CYBC1: variants seen among roughly 807,000 people sequenced by gnomAD.
CYBC1 encodes essential for reactive oxygen species protein.
A neutral mutation model predicts 21.7 loss-of-function variants in CYBC1; 22 were observed. The observed-to-expected ratio is 1.02, with a 90% CI of 0.73 to 1.45. The LOEUF is 1.45. Among genes scored for constraint, CYBC1 ranks in the 40% most tolerant of loss-of-function variants. The pLI, the probability that CYBC1 is intolerant of heterozygous loss-of-function variation, is 0.00. For missense variants in CYBC1, 237 were observed against 242.1 expected (o/e 0.98, Z 0.14); for synonymous variants, 112 against 98.7 (o/e 1.13, Z -0.80).
intron 5 of CYBC1, 196 bp downstream of exon 5, chr17:82,445,668 G>A (rs1039105009): frequency 5.5e-6 from 3 of 544,740 alleles, no homozygotes; most frequent in Non-Finnish European, 9.9e-6. Flanking sequence ...CTAGGACCCT[G>A]CTGAGCAGGT....
rs1464684683 is a variant in CYBC1 at position 82,443,330 on chromosome 17, G to C, written c.*674C>G. Reference sequence around the variant, plus strand: ...GAGACCTTTCTGTGACGACCGCTGGGGCAGAGTGGTCTATGCGCCGAGATC... The same window carrying C: ...GAGACCTTTCTGTGACGACCGCTGGCGCAGAGTGGTCTATGCGCCGAGATC... On this transcript the variant is annotated 3_prime_UTR_variant, in exon 7 of 7. Coordinates refer to ENST00000306645, the MANE Select transcript of CYBC1 (RefSeq NM_001033046.4). This position sits in a 1 kb window ranked among gnomAD's most constrained non-coding sequence, Gnocchi z 6.7. 4.8e-6 allele frequency: 2 copies of C among 416,626 alleles called. No individual in the cohort carries two copies. Among genetic ancestry groups the C allele is most frequent in the Non-Finnish European group, 9.1e-6 (2 of 218,954 alleles). The allele number at this position is 416,626 out of a possible 1,614,324, so 25.8% of individuals were successfully genotyped here. A position where few individuals can be genotyped will look rare whatever the true frequency, so the allele number is the denominator to read the frequency against.
At chr17:82,449,495 C>T in intron 1 of CYBC1, 1 of 417,076 alleles carries the variant, frequency 2.4e-6, no homozygotes. Context: ...GTAAGGAAGG[C>T]CCTTTTCCGT....
chr17:82,446,507 T>C, intron 4 of CYBC1, 116 bp downstream of exon 4: 1 of 934,578 alleles, frequency 1.1e-6, no homozygotes, highest in Non-Finnish European at 1.7e-6. Flanking sequence ...GACCAACGCT[T>C]CAGGACGGGG....
Position 82,446,643 on chromosome 17 carries a change from G to T in CYBC1, c.181C>A (p.Gln61Lys), listed in dbSNP as rs769836121. 99 of 1,613,956 alleles carry T rather than the reference G, an allele frequency of 6.1e-5. No individual in the cohort carries two copies. The South Asian group carries it at 1.0e-3, about 17-fold the overall frequency. The change falls in exon 4 of 7, where the codon CAG becomes AAG. Residue 61 changes from glutamine (Q) to lysine (K), a missense_variant. Transcript: ENST00000306645. ...YVTGCLFVAV[Q>K]NLEDWEEAIF... ...CTTACCTCCCAGTCCTCCAAGTTCTGCACAGCCACAAACAGGCAGCCTGTG... is the reference window on the plus strand; with the variant it reads ...CTTACCTCCCAGTCCTCCAAGTTCTTCACAGCCACAAACAGGCAGCCTGTG...
At chr17:82,449,520 ACTGC>A in intron 1 of CYBC1, 1 of 392,774 alleles carries the variant, frequency 2.5e-6, no homozygotes, top group Non-Finnish European at 4.5e-6. Context: ...AGCGACACCG[ACTGC>A]GCGGGGGCTG....
At chr17:82,447,875 G>A (rs1483763380) in intron 2 of CYBC1, 5 of 588,194 alleles carry the variant, frequency 8.5e-6, no homozygotes, top group South Asian at 4.2e-5. Context: ...AAGGAAGAGC[G>A]CTTGAGCTCA....
intron 6 of CYBC1, 151 bp downstream of exon 6, chr17:82,444,296 C>G (rs1184843381): frequency 1.4e-6 from 2 of 1,426,494 alleles, no homozygotes; most frequent in Non-Finnish European, 9.4e-7. Flanking sequence ...TGGGGCTGCC[C>G]CTGAGCCTGC....
chr17:82,444,408 G>A lies in CYBC1; in HGVS notation c.443+39C>T, dbSNP rs760139531. ...GTCAGGAACGGGAGTGACCTGCTACGGCTGCAGCTCCGGCCAGATCAAAGT... is the reference window on the plus strand; with the variant it reads ...GTCAGGAACGGGAGTGACCTGCTACAGCTGCAGCTCCGGCCAGATCAAAGT... On this transcript the variant is annotated intron_variant, in intron 6 of 6. Transcript: ENST00000306645. 2.2e-5 allele frequency: 34 copies of A among 1,571,922 alleles called. No homozygotes were observed. The Middle Eastern group carries it at 6.8e-4, about 31-fold the overall frequency.
At chr17:82,449,379 A>C in intron 1 of CYBC1, 87 bp from the exon 2 acceptor site, 1 of 618,714 alleles carries the variant, frequency 1.6e-6, no homozygotes, top group South Asian at 2.8e-5. Context: ...GGCCAAGAGC[A>C]GGTCCCCCAA....
At chr17:82,449,132 G>A (rs375170998) in intron 2 of CYBC1, 38 bp downstream of exon 2, 22 of 1,450,748 alleles carry the variant, frequency 1.5e-5, no homozygotes, top group African/African-American at 5.8e-5. Flanking sequence ...TCAGGCTTCC[G>A]GTTCTGGGGT....
intron 2 of CYBC1, chr17:82,448,872 C>A (rs2054436585): frequency 8.5e-6 from 3 of 354,124 alleles, no homozygotes; most frequent in Admixed American, 5.1e-5. Flanking sequence ...ACATGGGAAC[C>A]CACGATCACC....
At chr17:82,446,460 G>T (rs948010156) in intron 4 of CYBC1, among the ~76,000 whole-genome samples, 163 bp downstream of exon 4, 1 of 152,238 alleles carries the variant, frequency 6.6e-6, no homozygotes. Context: ...GATGAGTGCA[G>T]GGGCCATGTC....
chr17:82,449,468 G>A, intron 1 of CYBC1, 176 bp from the exon 2 acceptor site: 1 of 440,570 alleles, frequency 2.3e-6, no homozygotes, highest in Non-Finnish European at 4.0e-6. Context: ...GGATCCCCCA[G>A]AGACCCCGTT....
rs551260193 is a variant in CYBC1 at position 82,447,894 on chromosome 17, A to G, written c.86-273T>C. On this transcript the variant is annotated intron_variant, in intron 2 of 6. Transcript: ENST00000306645. ...AAGAGCGCTTGAGCTCAGGAGTTTG[A>G]GACCAGCCTGGGCAACATAACGAGA... The G allele has an allele frequency of 2.8e-5, 16 of 580,738 alleles. No homozygotes were observed. The East Asian group carries it at 4.3e-4, about 16-fold the overall frequency. The allele number at this position is 580,738 out of a possible 1,614,324, so 36.0% of individuals were successfully genotyped here. A position where few individuals can be genotyped will look rare whatever the true frequency, so the allele number is the denominator to read the frequency against.
At chr17:82,446,218 G>A (rs1045541961) in intron 4 of CYBC1, among the ~76,000 whole-genome samples, 2 of 152,222 alleles carry the variant, frequency 1.3e-5, no homozygotes, top group Non-Finnish European at 2.9e-5. Context: ...GGCAAAACAA[G>A]TGCAGGGAGG....
intron 2 of CYBC1, chr17:82,448,159 CCT>C (rs2054420737): frequency 4.7e-6 from 1 of 214,402 alleles, no homozygotes; most frequent in Non-Finnish European, 9.4e-6. Context: ...CAGCACCACT[CCT>C]CACACGGTGT....
At chr17:82,446,938 G>A (rs528237726) in intron 3 of CYBC1, 37 of 572,296 alleles carry the variant, frequency 6.5e-5, no homozygotes, top group African/African-American at 4.3e-4. Context: ...GCCTCTGCCC[G>A]TCTGGGCAGG....
intron 4 of CYBC1, 36 bp downstream of exon 4, chr17:82,446,587 G>A (rs764345206): frequency 1.9e-6 from 3 of 1,604,340 alleles, no homozygotes; most frequent in African/African-American, 1.3e-5. Context: ...GAGCTGAACA[G>A]CCCTGGACTC....
At chr17:82,444,740 G>A in intron 5 of CYBC1, 149 bp from the exon 6 acceptor site, 1 of 1,035,886 alleles carries the variant, frequency 9.7e-7, no homozygotes, top group Non-Finnish European at 1.4e-6. Context: ...CTGGGCCCCG[G>A]AGGACTGCTG....
Sources: allele counts gnomAD v4.1 joint callset (sites outside exome capture counted in the v4.1 genomes callset), GRCh38; gene constraint gnomAD v4.1.1; non-coding constraint Gnocchi (gnomAD v3.1); transcripts MANE v1.5; gene names NCBI Gene and HGNC (gene_info 2026-07-23, HGNC 2026-07-21).